The following ZFHX3 variants were observed in gnomAD, a reference collection of about 807,000 sequenced individuals.
ZFHX3 encodes zinc finger homeobox protein 3.
A neutral mutation model predicts 279.1 loss-of-function variants in ZFHX3; 42 were observed. The observed-to-expected ratio is 0.15, with a 90% CI of 0.12 to 0.19. ZFHX3 has a LOEUF of 0.19. Ranked by LOEUF, ZFHX3 falls within the 10% of genes least tolerant of loss-of-function variation. The pLI, the probability that ZFHX3 is intolerant of heterozygous loss-of-function variation, is 1.00. For missense variants in ZFHX3, 4,981 were observed against 4,754.0 expected, an observed-to-expected ratio of 1.05 and a Z score of -1.40; for synonymous variants, 2,293 against 1,957.8, an observed-to-expected ratio of 1.17 and a Z score of -4.52.
At chr16:73,675,342 A>T (rs2052943851) in intron 2 of ZFHX3, among the ~76,000 whole-genome samples, 1 of 152,138 alleles carries the variant, frequency 6.6e-6, no homozygotes, top group Non-Finnish European at 1.5e-5. Context: ...AAACCTCCCT[A>T]AATAGAAGAA....
chr16:73,388,077 T>C (rs957940167), intron 3 of ZFHX3, among the ~76,000 whole-genome samples: 5 of 152,072 alleles, frequency 3.3e-5, no homozygotes, highest in African/African-American at 7.2e-5. Context: ...TTAGAGATGA[T>C]TGGAAAAAAT....
rs1437204921 is a variant in ZFHX3 at position 73,631,927 on chromosome 16, T to TCTCTCTCTCACA, written c.-1547+48252_-1547+48253insTGTGAGAGAGAG. On this transcript the variant is annotated intron_variant, in intron 2 of 17. Transcript: ENST00000641206. ...CTCTCTCTCTCTCTCTCTCTCTCTCTCACACACACACACACACACACACAC... is the reference window on the plus strand; with the variant it reads ...CTCTCTCTCTCTCTCTCTCTCTCTCTCTCTCTCTCACACACACACACACACACACACACACAC... Among the ~76,000 whole-genome samples the TCTCTCTCTCACA allele has an allele frequency of 4.1e-3, 562 of 136,794 alleles. 4 individuals carry two copies. Among genetic ancestry groups the TCTCTCTCTCACA allele is most frequent in the African/African-American group, 0.015 (533 of 34,416 alleles). The allele number at this position is 136,794 out of a possible 152,430, so 89.7% of individuals were successfully genotyped here.
intron 4 of ZFHX3, among the ~76,000 whole-genome samples, chr16:73,316,144 C>G (rs1400839650): frequency 6.6e-6 from 1 of 152,160 alleles, no homozygotes; most frequent in Non-Finnish European, 1.5e-5. Flanking sequence ...CTAGTCTAAC[C>G]CAAACCTCAG....
chr16:73,878,176 G>T (rs1470792298), intron 1 of ZFHX3, among the ~76,000 whole-genome samples: 4 of 151,954 alleles, frequency 2.6e-5, no homozygotes, highest in African/African-American at 9.7e-5. Flanking sequence ...ACTCTTGCTG[G>T]TTCAATCGAT....
chr16:73,829,649 T>C (rs1960936849), intron 1 of ZFHX3, among the ~76,000 whole-genome samples: 1 of 25,010 alleles, frequency 4.0e-5, no homozygotes, highest in African/African-American at 2.4e-4. Flanking sequence ...TGCAGGTCTG[T>C]TGGAATACCC....
intron 3 of ZFHX3, among the ~76,000 whole-genome samples, chr16:72,902,124 G>T (rs1039300874): frequency 6.6e-5 from 10 of 152,178 alleles, no homozygotes; most frequent in Admixed American, 1.3e-4. Flanking sequence ...TTGCAGGAAG[G>T]GGGGATCAAT....
At chr16:73,331,276 C>T (rs780373232) in intron 3 of ZFHX3, among the ~76,000 whole-genome samples, 7 of 152,154 alleles carry the variant, frequency 4.6e-5, no homozygotes, top group Admixed American at 1.3e-4. Context: ...CCTCCCATGA[C>T]GTCCCTCCCA....
chr16:73,792,780 T>G (rs1959866374), intron 1 of ZFHX3, among the ~76,000 whole-genome samples: 1 of 152,204 alleles, frequency 6.6e-6, no homozygotes. Context: ...ACCTTTTTCT[T>G]TGAAGGCAGC....
intron 1 of ZFHX3, among the ~76,000 whole-genome samples, chr16:73,006,980 A>G (rs1387802389): frequency 6.6e-6 from 1 of 152,264 alleles, no homozygotes; most frequent in Non-Finnish European, 1.5e-5. Flanking sequence ...TGTTGAGTAA[A>G]GACCCAATTT....
intron 3 of ZFHX3, among the ~76,000 whole-genome samples, chr16:73,448,557 TA>T (rs1327280891): frequency 1.3e-5 from 2 of 151,648 alleles, no homozygotes; most frequent in Non-Finnish European, 2.9e-5. Flanking sequence ...AAGGAAAAGA[TA>T]AAAAATAAGG....
chr16:73,019,989 AT>A (rs1456199574), intron 1 of ZFHX3, among the ~76,000 whole-genome samples: 1 of 152,150 alleles, frequency 6.6e-6, no homozygotes, highest in Non-Finnish European at 1.5e-5. Context: ...CCATGGAGAC[AT>A]TCCATGGGAA....
chr16:73,369,288 T>A (rs2016581118), intron 3 of ZFHX3, among the ~76,000 whole-genome samples: 1 of 152,106 alleles, frequency 6.6e-6, no homozygotes, highest in Non-Finnish European at 1.5e-5. Flanking sequence ...GCTACATAAT[T>A]TCCATGGTCC....
chr16:73,169,051 G>C (rs888862581), intron 5 of ZFHX3, among the ~76,000 whole-genome samples: 3 of 152,166 alleles, frequency 2.0e-5, no homozygotes, highest in Admixed American at 1.3e-4. Flanking sequence ...TTTGAGAAAG[G>C]TGCAATAAGG....
chr16:73,754,959 A>C (rs990656739), intron 1 of ZFHX3, among the ~76,000 whole-genome samples: 1 of 152,196 alleles, frequency 6.6e-6, no homozygotes, highest in African/African-American at 2.4e-5. Context: ...TTGAAAGTTT[A>C]CTATATGGAC....
chr16:73,697,082 GA>G (rs2053204438), intron 1 of ZFHX3, among the ~76,000 whole-genome samples: 1 of 152,150 alleles, frequency 6.6e-6, no homozygotes, highest in African/African-American at 2.4e-5. Context: ...AGAAATTATA[GA>G]AATGCAGAAT....
intron 3 of ZFHX3, among the ~76,000 whole-genome samples, chr16:72,911,868 G>T (rs149626477): frequency 1.3e-5 from 2 of 152,132 alleles, no homozygotes; most frequent in Non-Finnish European, 2.9e-5. Flanking sequence ...GAAAGCAGAG[G>T]GCAGGGGGAG....
At chr16:73,547,145 T>C (rs1232471184) in intron 2 of ZFHX3, among the ~76,000 whole-genome samples, 1 of 152,110 alleles carries the variant, frequency 6.6e-6, no homozygotes, top group Non-Finnish European at 1.5e-5. Context: ...ATTTATTCTT[T>C]GTGTAAAAAT....
chr16:73,415,025 A>G (rs1445503538), intron 3 of ZFHX3, among the ~76,000 whole-genome samples: 1 of 152,152 alleles, frequency 6.6e-6, no homozygotes, highest in Non-Finnish European at 1.5e-5. Context: ...ACCACTACCC[A>G]TGATCAATTC....
intron 2 of ZFHX3, among the ~76,000 whole-genome samples, chr16:73,614,329 T>A (rs1390170457): frequency 6.6e-6 from 1 of 152,230 alleles, no homozygotes; most frequent in Non-Finnish European, 1.5e-5. Flanking sequence ...CAGCTCAGAT[T>A]TGGAATGCAG....
Sources: allele counts gnomAD v4.1 joint callset (sites outside exome capture counted in the v4.1 genomes callset), GRCh38; gene constraint gnomAD v4.1.1; transcripts MANE v1.5; gene names NCBI Gene and HGNC (gene_info 2026-07-23, HGNC 2026-07-21).